The following FRMPD4 variants were observed in gnomAD, a reference collection of about 807,000 sequenced individuals.
FRMPD4 encodes FERM and PDZ domain containing 4.
Under a neutral mutation model 94.1 loss-of-function variants are expected in FRMPD4, and 22 were observed. That is an observed-to-expected ratio of 0.23 (90% CI 0.17 to 0.33). The LOEUF is 0.33. Among genes scored for constraint, FRMPD4 ranks in the 10% least tolerant of loss-of-function variants. FRMPD4 has a pLI of 1.00. For missense variants in FRMPD4, 1,111 were observed against 1,339.9 expected, an observed-to-expected ratio of 0.83 and a Z score of 2.67; for synonymous variants, 631 against 548.6, an observed-to-expected ratio of 1.15 and a Z score of -2.10.
At chrX:12,626,258 G>T (rs1437117489) in intron 4 of FRMPD4, among the ~76,000 whole-genome samples, 1 of 107,165 alleles carries the variant, frequency 9.3e-6, no homozygotes, top group East Asian at 2.9e-4. Context: ...GAGCCCAGGA[G>T]TTGAGGCTGC....
intron 1 of FRMPD4, among the ~76,000 whole-genome samples, chrX:12,140,444 C>T (rs940495597): frequency 1.8e-5 from 2 of 112,312 alleles, no homozygotes; most frequent in African/African-American, 6.5e-5. Context: ...ATTCTATTAA[C>T]TTCCTGCATG....
At position 11,882,978 on chromosome X, in the gene FRMPD4, TC is replaced by T. The variant is rs372071433; in HGVS notation, c.95+4963del. ...TGGAAGACTGTGTCTCCTGGGGAGGTCCCTGCATTCATTCATCCATTATTAA... is the reference window on the plus strand; with the variant it reads ...TGGAAGACTGTGTCTCCTGGGGAGGTCCTGCATTCATTCATCCATTATTAA... On this transcript the variant is annotated intron_variant, in intron 3 of 18. Transcript: ENST00000640291. Among the ~76,000 whole-genome samples, 210 of 111,345 alleles carry T rather than the reference TC, an allele frequency of 1.9e-3. 3 individuals are homozygous for T. The South Asian group carries it at 0.075, about 40-fold the overall frequency.
At chrX:12,678,788 G>A (rs2059930236) in intron 5 of FRMPD4, among the ~76,000 whole-genome samples, 1 of 112,194 alleles carries the variant, frequency 8.9e-6, no homozygotes. Context: ...TTGCACCATT[G>A]CACTCCACCC....
chrX:12,160,295 T>C (rs16998900), intron 1 of FRMPD4, among the ~76,000 whole-genome samples: 6,601 of 111,582 alleles, frequency 0.059, 461 homozygotes, highest in African/African-American at 0.2. Context: ...ATAGCAGAAC[T>C]ACCCATACCT....
chrX:12,241,321 C>T (rs1044774828), intron 1 of FRMPD4, among the ~76,000 whole-genome samples: 2 of 112,235 alleles, frequency 1.8e-5, no homozygotes, highest in African/African-American at 6.5e-5. Flanking sequence ...TCTTCGAGGA[C>T]TTTGGAAGAG....
chrX:12,681,772 CTTT>C (rs1274996054), intron 5 of FRMPD4, among the ~76,000 whole-genome samples: 6 of 111,274 alleles, frequency 5.4e-5, no homozygotes, highest in African/African-American at 1.3e-4. Flanking sequence ...TTTTCAACAG[CTTT>C]TTTATTACAG....
At chrX:11,836,688 G>A (rs1045973971) in intron 1 of FRMPD4, among the ~76,000 whole-genome samples, 3 of 111,729 alleles carry the variant, frequency 2.7e-5, no homozygotes, top group African/African-American at 6.5e-5. Flanking sequence ...GTTGTTTAGG[G>A]AGGAAACAGA....
intron 2 of FRMPD4, among the ~76,000 whole-genome samples, chrX:12,599,202 G>C (rs2059061589): frequency 9.0e-6 from 1 of 111,146 alleles, no homozygotes; most frequent in South Asian, 3.8e-4. Flanking sequence ...AATCCAATTT[G>C]ATAGAGACAA....
At chrX:11,837,583 G>T (rs2053508203) in intron 1 of FRMPD4, among the ~76,000 whole-genome samples, 1 of 111,544 alleles carries the variant, frequency 9.0e-6, no homozygotes, top group African/African-American at 3.3e-5. Context: ...TTCATGTTAG[G>T]ACTGGAGGGA....
At chrX:12,667,585 T>C (rs2059792987) in intron 4 of FRMPD4, among the ~76,000 whole-genome samples, 1 of 112,593 alleles carries the variant, frequency 8.9e-6, no homozygotes, top group South Asian at 3.6e-4. Flanking sequence ...ACACCAGCCT[T>C]AGCTTCATTG....
At chrX:11,873,982 G>A (rs755367251) in intron 2 of FRMPD4, among the ~76,000 whole-genome samples, 1 of 110,996 alleles carries the variant, frequency 9.0e-6, no homozygotes, top group East Asian at 2.8e-4. Context: ...GTAGGCAGAG[G>A]TTGCAGTGAG....
intron 1 of FRMPD4, among the ~76,000 whole-genome samples, chrX:12,238,285 T>G (rs2057093014): frequency 9.1e-6 from 1 of 110,395 alleles, no homozygotes; most frequent in Admixed American, 9.7e-5. Context: ...CCACCACACC[T>G]GGCTAATTTT....
At chrX:12,624,526 G>A (rs527368769) in intron 4 of FRMPD4, among the ~76,000 whole-genome samples, 19 of 111,298 alleles carry the variant, frequency 1.7e-4, no homozygotes, top group African/African-American at 5.9e-4. Context: ...ATACACAAAA[G>A]ATAAGGAGAA....
At chrX:12,021,726 C>T (rs1460093821) in intron 3 of FRMPD4, among the ~76,000 whole-genome samples, 1 of 111,554 alleles carries the variant, frequency 9.0e-6, no homozygotes, top group Non-Finnish European at 1.9e-5. Context: ...ACAGCTAGTT[C>T]CTGGGATATT....
intron 1 of FRMPD4, among the ~76,000 whole-genome samples, chrX:12,388,888 G>T (rs552600848): frequency 1.1e-5 from 1 of 92,787 alleles, no homozygotes; most frequent in South Asian, 5.2e-4. Context: ...TAAAAAAGAA[G>T]AAAACCATGT....
At chrX:12,560,356 CA>C (rs1406842040) in intron 2 of FRMPD4, among the ~76,000 whole-genome samples, 3 of 105,104 alleles carry the variant, frequency 2.9e-5, no homozygotes, top group Non-Finnish European at 5.9e-5. Flanking sequence ...TAGAAGGGAC[CA>C]AAAAAAAATT....
Position 12,489,359 on chromosome X carries a change from T to TATAG in FRMPD4, c.42-9321_42-9320insATAG, listed in dbSNP as rs1186493112. On this transcript the variant is annotated intron_variant, in intron 1 of 16. Transcript: ENST00000675598. The stretch of plus-strand genomic sequence containing the variant: ...TCCCCAACAAACAGTGAGAATATAA[T>TATAG]CTTCACAATGAATAGCTAAATCGGA... Among the ~76,000 whole-genome samples, 26 of 112,145 alleles carry TATAG rather than the reference T, an allele frequency of 2.3e-4. No homozygotes were observed. In the East Asian group the frequency reaches 7.0e-3, roughly 30 times the overall value.
chrX:11,961,410 T>C (rs1246457664), intron 3 of FRMPD4, among the ~76,000 whole-genome samples: 1 of 112,392 alleles, frequency 8.9e-6, no homozygotes, highest in Non-Finnish European at 1.9e-5. Context: ...TGATTCTTCA[T>C]ATCATGGGAA....
intron 4 of FRMPD4, among the ~76,000 whole-genome samples, chrX:12,640,861 A>G (rs2059493467): frequency 9.0e-6 from 1 of 111,422 alleles, no homozygotes; most frequent in Admixed American, 9.6e-5. Flanking sequence ...CCTTCCACTA[A>G]AAGTTTACCC....
Sources: allele counts gnomAD v4.1 joint callset (sites outside exome capture counted in the v4.1 genomes callset), GRCh38; gene constraint gnomAD v4.1.1; transcripts MANE v1.5; gene names NCBI Gene and HGNC (gene_info 2026-07-23, HGNC 2026-07-21).